The following ZNF382 variants were observed in gnomAD, a reference collection of about 807,000 sequenced individuals.
ZNF382 encodes the protein KRAB/zinc finger suppressor protein 1.
A neutral mutation model predicts 38.8 loss-of-function variants in ZNF382; 20 were observed. The observed-to-expected ratio is 0.51, with a 90% CI of 0.36 to 0.75. The LOEUF is 0.75. Ranked by LOEUF, ZNF382 falls within the 30% of genes least tolerant of loss-of-function variation. The probability of loss-of-function intolerance (pLI) is 0.00; values close to 1 mark genes in which losing one functional copy is unlikely to be tolerated. For synonymous variants in ZNF382, 202 were observed against 223.1 expected (o/e 0.91, Z 0.84); for missense variants, 546 against 654.1 (o/e 0.83, Z 1.80).
intron 4 of ZNF382, among the ~76,000 whole-genome samples, chr19:36,612,255 A>T (rs980806221): frequency 6.6e-6 from 1 of 152,114 alleles, no homozygotes; most frequent in Non-Finnish European, 1.5e-5. Context: ...ACTCAGCTTC[A>T]TGTCTGAGAG....
chr19:36,605,662 T>TGC (rs1310194905), intron 1 of ZNF382: 2 of 152,054 alleles, frequency 1.3e-5, no homozygotes, highest in South Asian at 2.1e-4. Flanking sequence ...GAGCGGGCGC[T>TGC]GTGTGTTCGC....
At chr19:36,617,337 C>G (rs1486641843) in intron 4 of ZNF382, among the ~76,000 whole-genome samples, 4 of 152,116 alleles carry the variant, frequency 2.6e-5, no homozygotes, top group Non-Finnish European at 5.9e-5. Flanking sequence ...GGATTCTAAC[C>G]CAGCCTCTAG....
chr19:36,606,070 T>C (rs2037021165), intron 1 of ZNF382, among the ~76,000 whole-genome samples: 1 of 152,182 alleles, frequency 6.6e-6, no homozygotes, highest in African/African-American at 2.4e-5. Flanking sequence ...ATTTGAATGA[T>C]TGAGGAACTC....
At chr19:36,622,958 G>T (rs2037181405) in intron 4 of ZNF382, among the ~76,000 whole-genome samples, 1 of 151,838 alleles carries the variant, frequency 6.6e-6, no homozygotes. Flanking sequence ...GCATTCCATT[G>T]TACTTGACAT....
intron 4 of ZNF382, among the ~76,000 whole-genome samples, chr19:36,621,071 C>A (rs2037165437): frequency 6.6e-6 from 1 of 152,002 alleles, no homozygotes; most frequent in African/African-American, 2.4e-5. Context: ...TTCCCATAAT[C>A]TTATTTATTA....
At chr19:36,610,113 A>T in intron 3 of ZNF382, 60 bp downstream of exon 3, 4 of 1,581,054 alleles carry the variant, frequency 2.5e-6, no homozygotes, top group African/African-American at 1.4e-5. Context: ...TTCCTGAAAC[A>T]TATAGGACTT....
rs1360176272 is a variant in ZNF382 at position 36,627,148 on chromosome 19, T to C, written c.1251T>C (p.Phe417=). The C allele has an allele frequency of 6.2e-7, 1 of 1,613,666 alleles. No individual in the cohort carries two copies. Among genetic ancestry groups the C allele is most frequent in the Non-Finnish European group, 8.5e-7 (1 of 1,179,934 alleles). ...AGTGTAATGAGTGTGGGAAGGCATT[T>C]ATCCAGAAGACAACCCTCACTGTTC... ...PYQCNECGKA[F]IQKTTLTVHQ... is the part of the protein sequence containing the mutation. Residue 417 remains phenylalanine (F), a synonymous_variant, in exon 5 of 5, where the codon TTT becomes TTC. Transcript: ENST00000292928.
intron 4 of ZNF382, among the ~76,000 whole-genome samples, chr19:36,619,496 G>A (rs748981178): frequency 1.3e-5 from 2 of 152,204 alleles, no homozygotes; most frequent in African/African-American, 4.8e-5. Context: ...CCCCCACTAA[G>A]TGGGGAGGAT....
rs1291514832 is a variant in ZNF382 at position 36,626,454 on chromosome 19, A to G, written c.557A>G (p.His186Arg). ...HEKIHPAVNL[H>R]KQTERVLSGK... ...AAAATTCATCCTGCAGTGAATCTCC[A>G]TAAACAAACAGAAAGAGTTCTCAGT... Residue 186 changes from histidine (H) to arginine (R), a missense_variant, in exon 5 of 5, where the codon CAT becomes CGT. By Grantham distance (29) the His-to-Arg change is conservative (BLOSUM62 0). Coordinates refer to ENST00000292928, the MANE Select transcript of ZNF382 (RefSeq NM_032825.5). The G allele has an allele frequency of 2.5e-6, 4 of 1,605,718 alleles. No individual in the cohort carries two copies. The highest frequency in any genetic ancestry group is 3.4e-6 in the Non-Finnish European group (4 of 1,177,632).
rs748432872 is a variant in ZNF382 at position 36,626,538 on chromosome 19, A to G, written c.641A>G (p.His214Arg). 4.7e-5 allele frequency: 76 copies of G among 1,613,112 alleles called. No individual in the cohort carries two copies. The highest frequency in any genetic ancestry group is 6.3e-5 in the Non-Finnish European group (74 of 1,179,786). The change falls in exon 5 of 5, where the codon CAT becomes CGT. Residue 214 changes from histidine to arginine, a missense_variant. By Grantham distance (29) the His-to-Arg change is conservative. Coordinates refer to ENST00000292928, the MANE Select transcript of ZNF382 (RefSeq NM_032825.5). ...KVQAPEQPFDHNECEKSFLMK... is the reference protein window; with the variant it reads ...KVQAPEQPFDRNECEKSFLMK... Reference sequence around the variant, plus strand: ...CAAGCTCCAGAGCAACCATTTGACCATAATGAATGTGAAAAATCCTTCCTG... The same window carrying G: ...CAAGCTCCAGAGCAACCATTTGACCGTAATGAATGTGAAAAATCCTTCCTG...
chr19:36,615,507 A>G (rs193071499), intron 4 of ZNF382, among the ~76,000 whole-genome samples: 3 of 152,120 alleles, frequency 2.0e-5, no homozygotes, highest in Non-Finnish European at 4.4e-5. Context: ...AGCTTATCCA[A>G]AACTCTTATT....
intron 2 of ZNF382, chr19:36,607,906 G>C: frequency 5.2e-6 from 2 of 384,528 alleles, no homozygotes; most frequent in Non-Finnish European, 9.3e-6. Flanking sequence ...ATCAACTTAA[G>C]CCTTCCCCAA....
chr19:36,625,806 G>A (rs1199755747), intron 4 of ZNF382, among the ~76,000 whole-genome samples: 6 of 152,050 alleles, frequency 3.9e-5, no homozygotes, highest in Non-Finnish European at 5.9e-5. Flanking sequence ...TGATCCGCCC[G>A]CCTTGGCCTC....
At position 36,605,360 on chromosome 19, in the gene ZNF382, G is replaced by A. The variant is rs1030920007; in HGVS notation, c.-85+13G>A. ...GGGGTGAGGCTTGGTGGGTGCCAGG[G>A]GTGCTGAGGAGGCCAAGGAGGGCAC... On this transcript the variant is annotated intron_variant, in intron 1 of 4. Transcript: ENST00000292928. 1 of 152,958 alleles carries A rather than the reference G, an allele frequency of 6.5e-6. No individual in the cohort carries two copies. The highest frequency in any genetic ancestry group is 2.4e-5 in the African/African-American group (1 of 41,476). The allele number at this position is 152,958 out of a possible 1,614,324, so 9.5% of individuals were successfully genotyped here. A position where few individuals can be genotyped will look rare whatever the true frequency, so the allele number is the denominator to read the frequency against.
chr19:36,606,125 A>T (rs1309409204), intron 1 of ZNF382, among the ~76,000 whole-genome samples: 2 of 152,160 alleles, frequency 1.3e-5, no homozygotes, highest in African/African-American at 4.8e-5. Flanking sequence ...TGATTATCTG[A>T]ATAGTAGCCA....
At chr19:36,625,089 A>AAC (rs2037199603) in intron 4 of ZNF382, among the ~76,000 whole-genome samples, 1 of 42,972 alleles carries the variant, frequency 2.3e-5, no homozygotes, top group African/African-American at 6.7e-5. Flanking sequence ...AATGAATTTA[A>AAC]ATATATATAT....
chr19:36,618,882 A>C (rs1178713422), intron 4 of ZNF382, among the ~76,000 whole-genome samples: 1 of 152,148 alleles, frequency 6.6e-6, no homozygotes, highest in East Asian at 1.9e-4. Flanking sequence ...TACTAAAAAT[A>C]CAAAAATTAG....
intron 1 of ZNF382, among the ~76,000 whole-genome samples, chr19:36,607,181 C>T (rs2037039455): frequency 1.3e-5 from 2 of 152,044 alleles, no homozygotes; most frequent in Admixed American, 6.6e-5. Flanking sequence ...AAGGTATTCT[C>T]ATCCACTACT....
chr19:36,627,027 A>T lies in ZNF382; in HGVS notation c.1130A>T (p.Glu377Val). 6.2e-7 allele frequency: 1 copy of T among 1,613,750 alleles called. No homozygotes were observed. The highest frequency in any genetic ancestry group is 8.5e-7 in the Non-Finnish European group (1 of 1,179,918). ...LTRHHKTHTGEKAYECPQCGS... is the reference protein window; with the variant it reads ...LTRHHKTHTGVKAYECPQCGS... ...AGACATCACAAAACACATACGGGGG[A>T]GAAAGCCTATGAATGTCCTCAGTGT... Residue 377 changes from glutamate to valine, a missense_variant, in exon 5 of 5, where the codon GAG (glutamate) becomes GTG (valine). Glu to Val is a moderately radical substitution (Grantham distance 121). Coordinates refer to ENST00000292928, the MANE Select transcript of ZNF382 (RefSeq NM_032825.5).
Sources: gnomAD v4.1 joint callset for allele counts (sites outside exome capture counted in the v4.1 genomes callset) on GRCh38, gnomAD v4.1.1 for gene constraint, MANE v1.5 for transcripts, NCBI Gene and HGNC (gene_info 2026-07-23, HGNC 2026-07-21) for gene names.